Variants in TFB1M observed in about 807,000 individuals in gnomAD.
The protein encoded by TFB1M is transcription factor B1, mitochondrial, also known as dimethyladenosine transferase 1, mitochondrial.
A neutral mutation model predicts 31.1 loss-of-function variants in TFB1M; 27 were observed. The observed-to-expected ratio is 0.87, with a 90% CI of 0.64 to 1.20. The LOEUF is 1.20. Among genes scored for constraint, TFB1M ranks in the 50% most tolerant of loss-of-function variants. The probability of loss-of-function intolerance (pLI) is 0.00; values close to 1 mark genes in which losing one functional copy is unlikely to be tolerated. For missense variants in TFB1M, 394 were observed against 418.7 expected, an observed-to-expected ratio of 0.94 and a Z score of 0.51; for synonymous variants, 166 against 151.8, an observed-to-expected ratio of 1.09 and a Z score of -0.69.
intron 4 of TFB1M, among the ~76,000 whole-genome samples, chr6:155,294,134 G>C (rs1341963619): frequency 6.6e-6 from 1 of 152,112 alleles, no homozygotes; most frequent in East Asian, 1.9e-4. Flanking sequence ...AATGGAGCTA[G>C]GTTAGTTGGG....
At chr6:155,253,947 T>G, downstream of TFB1M, 1 of 1,595,918 alleles carries the variant, frequency 6.3e-7, no homozygotes, top group Non-Finnish European at 8.6e-7. Context: ...AGTTGTAGAC[T>G]CTTGTTTCCA....
downstream of TFB1M, chr6:155,252,920 C>T: frequency 6.3e-7 from 1 of 1,597,966 alleles, no homozygotes; most frequent in Non-Finnish European, 8.6e-7. Flanking sequence ...TTCCCTAACA[C>T]TTTTCTTGGT....
At chr6:155,253,192 T>G (rs533431566), downstream of TFB1M, 24 of 690,442 alleles carry the variant, frequency 3.5e-5, 2 homozygotes, top group East Asian at 6.5e-4. Flanking sequence ...CAAGAGAGGT[T>G]GTTTTGATGT....
the TFB1M span, chr6:155,240,469 G>A: frequency 2.6e-6 from 4 of 1,521,286 alleles, no homozygotes; most frequent in Non-Finnish European, 3.5e-6. Flanking sequence ...TGCCCTTGGG[G>A]GCAGCGGATA....
chr6:155,307,136 T>TACATACACAC lies in TFB1M; in HGVS notation c.285+4051_285+4052insGTGTGTATGT, dbSNP rs934986395. Reference sequence around the variant, plus strand: ...AGAGTGAGACCATGTCTCAAACACATACACACACACACACACACACACACA... The same window carrying TACATACACAC: ...AGAGTGAGACCATGTCTCAAACACATACATACACACACACACACACACACACACACACACA... On this transcript the variant is annotated intron_variant, in intron 2 of 6. Coordinates refer to ENST00000367166, the MANE Select transcript of TFB1M (RefSeq NM_016020.4). Among the ~76,000 whole-genome samples, 286 of 147,344 alleles carry TACATACACAC rather than the reference T, an allele frequency of 1.9e-3. 1 individual carries two copies. The highest frequency in any genetic ancestry group is 6.8e-3 in the African/African-American group (267 of 39,240).
At chr6:155,292,991 G>C (rs755738212) in intron 4 of TFB1M, among the ~76,000 whole-genome samples, 6 of 152,016 alleles carry the variant, frequency 3.9e-5, no homozygotes, top group Non-Finnish European at 7.4e-5. Flanking sequence ...ACCGGACCTG[G>C]CTAATTTTTT....
chr6:155,267,610 A>C (rs1784718689), intron 5 of TFB1M, among the ~76,000 whole-genome samples: 1 of 152,184 alleles, frequency 6.6e-6, no homozygotes, highest in Admixed American at 6.5e-5. Context: ...CCCAGCAGCT[A>C]CTAGCTAAAA....
At chr6:155,312,484 G>A (rs986597783) in intron 1 of TFB1M, among the ~76,000 whole-genome samples, 2 of 152,118 alleles carry the variant, frequency 1.3e-5, no homozygotes, top group Non-Finnish European at 2.9e-5. Flanking sequence ...GCCTCTCAGA[G>A]GGAACAGGAA....
chr6:155,312,794 T>A (rs1778071467), intron 1 of TFB1M, among the ~76,000 whole-genome samples: 1 of 152,182 alleles, frequency 6.6e-6, no homozygotes, highest in East Asian at 1.9e-4. Context: ...TGAAGGATTT[T>A]AAAAAATACA....
chr6:155,234,007 G>T, the TFB1M span, among the ~76,000 whole-genome samples: 11 of 149,604 alleles, frequency 7.4e-5, no homozygotes, highest in African/African-American at 2.3e-4. Flanking sequence ...TTTTTTTGGG[G>T]GGGGGTTGGG....
At position 155,256,493 on chromosome 6, in the gene TFB1M, G is replaced by T; in HGVS notation, c.*1343C>A. On this transcript the variant is annotated 3_prime_UTR_variant, in exon 7 of 7. Coordinates refer to ENST00000367166, the MANE Select transcript of TFB1M (RefSeq NM_016020.4). ...GTTTTTCTCACTGTAGCTTCATCCAGGTCTTTAAAAGTCCTGAAGAATTCC... is the reference window on the plus strand; with the variant it reads ...GTTTTTCTCACTGTAGCTTCATCCATGTCTTTAAAAGTCCTGAAGAATTCC... 1 of 1,614,152 alleles carries T rather than the reference G, an allele frequency of 6.2e-7. No individual in the cohort carries two copies. The highest frequency in any genetic ancestry group is 8.5e-7 in the Non-Finnish European group (1 of 1,180,032).
chr6:155,302,499 T>C (rs1777473590), intron 2 of TFB1M, among the ~76,000 whole-genome samples: 1 of 152,210 alleles, frequency 6.6e-6, no homozygotes, highest in African/African-American at 2.4e-5. Flanking sequence ...GGTTACAGCA[T>C]GATGTCAAAA....
intron 2 of TFB1M, among the ~76,000 whole-genome samples, chr6:155,299,167 T>C (rs574285643): frequency 5.9e-5 from 9 of 152,312 alleles, no homozygotes; most frequent in Admixed American, 5.9e-4. Context: ...TGTTGATCCA[T>C]ACCCCTTATC....
intron 3 of TFB1M, among the ~76,000 whole-genome samples, chr6:155,298,091 T>A (rs1777258567): frequency 6.6e-6 from 1 of 152,246 alleles, no homozygotes; most frequent in Admixed American, 6.5e-5. Context: ...GGTCATTGAA[T>A]GTGAAGAATA....
the TFB1M span, among the ~76,000 whole-genome samples, chr6:155,243,682 A>G: frequency 6.6e-6 from 1 of 151,802 alleles, no homozygotes; most frequent in Non-Finnish European, 1.5e-5. Context: ...CCCTGCCCCT[A>G]CTAAAAATAC....
rs1785171652 is a variant in TFB1M at position 155,275,839 on chromosome 6, C to G, written c.666+9319G>C. ...TGAATGTGGATGTGGACTCCAACATCATAACAGCCATTGTACAGCTGCACG... is the reference window on the plus strand; with the variant it reads ...TGAATGTGGATGTGGACTCCAACATGATAACAGCCATTGTACAGCTGCACG... On this transcript the variant is annotated intron_variant, in intron 5 of 6. Transcript: ENST00000367166. The G allele has an allele frequency of 1.9e-6, 3 of 1,614,022 alleles. No individual in the cohort carries two copies. In the African/African-American group the frequency reaches 4.0e-5, roughly 22 times the overall value.
At chr6:155,266,139 T>C (rs1784623358) in intron 5 of TFB1M, among the ~76,000 whole-genome samples, 1 of 152,170 alleles carries the variant, frequency 6.6e-6, no homozygotes. Flanking sequence ...GGATCAATAC[T>C]TTGTATCCTT....
At chr6:155,290,486 A>G (rs1159470299) in intron 4 of TFB1M, among the ~76,000 whole-genome samples, 1 of 152,044 alleles carries the variant, frequency 6.6e-6, no homozygotes, top group Non-Finnish European at 1.5e-5. Flanking sequence ...AAATCAGAGG[A>G]CCAGTGTTAC....
chr6:155,276,270 C>G (rs1367069746), intron 5 of TFB1M: 9 of 1,614,146 alleles, frequency 5.6e-6, no homozygotes, highest in Non-Finnish European at 7.6e-6. Context: ...TTCTGCACCT[C>G]CTGTATAAAA....
Sources: gnomAD v4.1 joint callset for allele counts (sites outside exome capture counted in the v4.1 genomes callset) on GRCh38, gnomAD v4.1.1 for gene constraint, MANE v1.5 for transcripts, NCBI Gene and HGNC (gene_info 2026-07-23, HGNC 2026-07-21) for gene names.